The following FOXP2 variants were observed in gnomAD, a reference collection of about 807,000 sequenced individuals.
FOXP2 encodes the protein forkhead box P2.
FOXP2 carries 12 observed loss-of-function variants against 115.8 expected under a neutral mutation model. That is an observed-to-expected ratio of 0.10 (90% confidence interval 0.07 to 0.17). The LOEUF (loss-of-function observed/expected upper bound fraction) is 0.17. Among genes scored for constraint, FOXP2 ranks in the 10% least tolerant of loss-of-function variants. FOXP2 has a pLI of 1.00. For synonymous variants in FOXP2, 328 were observed against 297.7 expected (o/e 1.10, Z -1.05); for missense variants, 629 against 843.5 (o/e 0.75, Z 3.15).
At chr7:114,271,184 C>T (rs1021571462) in intron 1 of FOXP2, among the ~76,000 whole-genome samples, 3 of 151,686 alleles carry the variant, frequency 2.0e-5, no homozygotes, top group African/African-American at 7.3e-5. Flanking sequence ...TTTGCTGATT[C>T]TTTCAGATTT....
At chr7:114,232,902 A>C (rs78015650) in intron 1 of FOXP2, among the ~76,000 whole-genome samples, 4 of 152,338 alleles carry the variant, frequency 2.6e-5, no homozygotes, top group Non-Finnish European at 5.9e-5. Context: ...TGCTAAATGA[A>C]ATAAATAAAT....
intron 3 of FOXP2, chr7:114,613,702 AT>A (rs1041502479): frequency 6.6e-6 from 1 of 151,296 alleles, no homozygotes; most frequent in African/African-American, 2.4e-5. Context: ...ATATATATAT[AT>A]ATATGCTCTT....
intron 2 of FOXP2, among the ~76,000 whole-genome samples, chr7:114,374,264 AAAAGT>A (rs1202851817): frequency 6.6e-6 from 1 of 152,246 alleles, no homozygotes; most frequent in East Asian, 1.9e-4. Context: ...CTAATAAAAT[AAAAGT>A]AGTGAGACAG....
intron 2 of FOXP2, among the ~76,000 whole-genome samples, chr7:114,509,555 A>C (rs1457115571): frequency 1.3e-5 from 2 of 151,638 alleles, no homozygotes; most frequent in African/African-American, 4.8e-5. Flanking sequence ...GGTTGATGTG[A>C]GTATGTCGGA....
At chr7:114,672,994 T>G (rs1277279447) in intron 16 of FOXP2, among the ~76,000 whole-genome samples, 1 of 152,192 alleles carries the variant, frequency 6.6e-6, no homozygotes, top group Non-Finnish European at 1.5e-5. Context: ...GGAGCCAGAA[T>G]GCAAGTTATT....
At chr7:114,345,306 T>C (rs1351317917) in intron 2 of FOXP2, among the ~76,000 whole-genome samples, 2 of 151,760 alleles carry the variant, frequency 1.3e-5, no homozygotes, top group Non-Finnish European at 2.9e-5. Flanking sequence ...TTATGTGGCA[T>C]GAGGGAAATC....
chr7:114,266,700 A>G (rs997510049), intron 1 of FOXP2, among the ~76,000 whole-genome samples: 2 of 152,152 alleles, frequency 1.3e-5, no homozygotes, highest in Non-Finnish European at 2.9e-5. Flanking sequence ...CATCCAAACT[A>G]TAACAGGAGG....
At chr7:114,457,579 C>G (rs1795364139) in intron 2 of FOXP2, among the ~76,000 whole-genome samples, 1 of 152,020 alleles carries the variant, frequency 6.6e-6, no homozygotes, top group Non-Finnish European at 1.5e-5. Context: ...TTTTGTATAG[C>G]ATTAGATCAA....
chr7:114,143,104 T>G (rs1056356889), intron 1 of FOXP2, among the ~76,000 whole-genome samples: 26 of 151,018 alleles, frequency 1.7e-4, no homozygotes, highest in African/African-American at 5.8e-4. Context: ...GCTGTGGTTG[T>G]GCCATTTCAT....
Position 114,267,311 on chromosome 7 carries a change from T to A in FOXP2, c.-101-20708T>A, listed in dbSNP as rs577265836. Among the ~76,000 whole-genome samples the A allele has an allele frequency of 9.4e-4, 143 of 152,284 alleles. 1 individual carries two copies. The highest frequency in any genetic ancestry group is 1.7e-3 in the Non-Finnish European group (116 of 68,020). On this transcript the variant is annotated intron_variant, in intron 1 of 17. Coordinates refer to the FOXP2 transcript ENST00000634411. The stretch of plus-strand genomic sequence containing the variant: ...ACAACTTTTTGCAAGTATCGCCAAA[T>A]TCAAAGAACATCTTCCATTACTTTC...
At chr7:114,642,808 ATATATTTT>A (rs1331565754) in intron 7 of FOXP2, among the ~76,000 whole-genome samples, 185 bp downstream of exon 7, 10 of 58,470 alleles carry the variant, frequency 1.7e-4, no homozygotes, top group Admixed American at 1.2e-3. Context: ...ATATATATAT[ATATATTTT>A]TTTTTTTTTT....
chr7:114,231,162 A>C (rs887889745), intron 1 of FOXP2, among the ~76,000 whole-genome samples: 1 of 152,072 alleles, frequency 6.6e-6, no homozygotes, highest in Non-Finnish European at 1.5e-5. Flanking sequence ...AGTATAAAAT[A>C]CTCATCAATA....
chr7:114,581,255 C>G (rs1801855132), intron 3 of FOXP2, among the ~76,000 whole-genome samples: 1 of 151,836 alleles, frequency 6.6e-6, no homozygotes, highest in Admixed American at 6.6e-5. Flanking sequence ...ACAGTCTCTG[C>G]TCACTGCAAC....
At chr7:114,508,435 T>C (rs1174446291) in intron 2 of FOXP2, among the ~76,000 whole-genome samples, 2 of 152,078 alleles carry the variant, frequency 1.3e-5, no homozygotes, top group Non-Finnish European at 2.9e-5. Context: ...AAATGATCTT[T>C]ACCTTCTTAG....
At chr7:114,386,318 G>GT (rs1792451769) in intron 2 of FOXP2, among the ~76,000 whole-genome samples, 1 of 152,136 alleles carries the variant, frequency 6.6e-6, no homozygotes, top group Non-Finnish European at 1.5e-5. Flanking sequence ...GCTGTTATGG[G>GT]TTTTTTAAAG....
At position 114,638,618 on chromosome 7, in the gene FOXP2, T is replaced by C. The variant is rs775176765; in HGVS notation, c.776-3792T>C. On this transcript the variant is annotated intron_variant, in intron 6 of 16. Transcript: ENST00000350908. Reference sequence around the variant, plus strand: ...AAGCTTTGTCCCAAGAGCAAGGTAATAGTTTTCTTTTTAAAAATGTCCCCC... The same window carrying C: ...AAGCTTTGTCCCAAGAGCAAGGTAACAGTTTTCTTTTTAAAAATGTCCCCC... 3.3e-5 allele frequency among the ~76,000 whole-genome samples: 5 copies of C among 152,136 alleles called. No homozygotes were observed. In the East Asian group the frequency reaches 9.6e-4, roughly 29 times the overall value.
chr7:114,404,729 G>A (rs1792991730), intron 2 of FOXP2, among the ~76,000 whole-genome samples: 1 of 151,990 alleles, frequency 6.6e-6, no homozygotes, highest in Admixed American at 6.6e-5. Flanking sequence ...TAAAATTTGT[G>A]AAGTTAACCA....
intron 2 of FOXP2, among the ~76,000 whole-genome samples, chr7:114,375,720 T>C (rs1252964497): frequency 1.3e-5 from 2 of 152,148 alleles, no homozygotes; most frequent in Non-Finnish European, 2.9e-5. Context: ...CGCCTCTCTC[T>C]CTCTCCCAAT....
At chr7:114,384,120 C>T (rs190419510) in intron 2 of FOXP2, among the ~76,000 whole-genome samples, 232 of 151,932 alleles carry the variant, frequency 1.5e-3, no homozygotes, top group African/African-American at 5.3e-3. Context: ...TAGTTACGCT[C>T]GCCGATGTAG....
Sources: gnomAD v4.1 joint callset for allele counts (sites outside exome capture counted in the v4.1 genomes callset) on GRCh38, gnomAD v4.1.1 for gene constraint, MANE v1.5 for transcripts, NCBI Gene and HGNC (gene_info 2026-07-23, HGNC 2026-07-21) for gene names.